COLQ: variants seen among roughly 807,000 people sequenced by gnomAD.
COLQ encodes the protein acetylcholinesterase collagenic tail peptide.
Under a neutral mutation model 69.0 loss-of-function variants are expected in COLQ, and 48 were observed. The observed-to-expected ratio is 0.70, with a 90% CI of 0.55 to 0.88. COLQ has a LOEUF of 0.88. Among genes scored for constraint, COLQ ranks in the 40% least tolerant of loss-of-function variants. The pLI, the probability that COLQ is intolerant of heterozygous loss-of-function variation, is 0.00. For synonymous variants in COLQ, 217 were observed against 211.2 expected (o/e 1.03, Z -0.24); for missense variants, 618 against 594.6 (o/e 1.04, Z -0.41).
intron 1 of COLQ, among the ~76,000 whole-genome samples, chr3:15,521,053 G>A (rs2063129891): frequency 6.6e-6 from 1 of 151,774 alleles, no homozygotes; most frequent in Non-Finnish European, 1.5e-5. Flanking sequence ...TTTTCCCTTC[G>A]AGGGACTATT....
intron 16 of COLQ, among the ~76,000 whole-genome samples, 179 bp downstream of exon 16, chr3:15,453,650 G>A (rs1324413182): frequency 1.3e-5 from 2 of 152,192 alleles, no homozygotes; most frequent in African/African-American, 4.8e-5. Flanking sequence ...AGGCAGTGCT[G>A]ACCAAGAGGG....
intron 1 of COLQ, among the ~76,000 whole-genome samples, chr3:15,501,434 T>G (rs2125163410): frequency 6.6e-6 from 1 of 152,284 alleles, no homozygotes; most frequent in Middle Eastern, 3.4e-3. Context: ...TCCCACAGCC[T>G]TCCCAGGGAT....
At chr3:15,475,563 T>C (rs889680010) in intron 6 of COLQ, 76 bp from the exon 7 acceptor site, 42 of 1,396,706 alleles carry the variant, frequency 3.0e-5, no homozygotes, top group Admixed American at 2.4e-4. Context: ...ACAGGCAAGA[T>C]TGGGAAGGAA....
At chr3:15,485,274 G>A (rs1377447215) in intron 3 of COLQ, among the ~76,000 whole-genome samples, 3 of 152,164 alleles carry the variant, frequency 2.0e-5, no homozygotes, top group African/African-American at 7.2e-5. Flanking sequence ...CATCTCAGAG[G>A]GGCACCCAGC....
At chr3:15,508,288 A>T (rs772944639) in intron 1 of COLQ, among the ~76,000 whole-genome samples, 1 of 152,220 alleles carries the variant, frequency 6.6e-6, no homozygotes, top group Non-Finnish European at 1.5e-5. Flanking sequence ...TCAACAACAC[A>T]TATTGAGCAC....
At chr3:15,486,622 G>T (rs140988967) in intron 3 of COLQ, among the ~76,000 whole-genome samples, 7 of 152,238 alleles carry the variant, frequency 4.6e-5, no homozygotes, top group African/African-American at 9.6e-5. Context: ...CTGAAGGTGG[G>T]AAGATAGAAA....
chr3:15,503,938 C>T (rs1023022981), intron 1 of COLQ, among the ~76,000 whole-genome samples: 3 of 152,108 alleles, frequency 2.0e-5, no homozygotes, highest in South Asian at 4.2e-4. Context: ...CACTTACCAA[C>T]GCCCAGAATC....
intron 11 of COLQ, among the ~76,000 whole-genome samples, chr3:15,469,494 T>A (rs537910356): frequency 6.0e-4 from 92 of 152,330 alleles, no homozygotes; most frequent in Admixed American, 1.5e-3. Context: ...ATGATCAAAG[T>A]TTGAAAACTG....
chr3:15,477,225 G>A (rs1184240191), intron 5 of COLQ, 28 bp from the exon 6 acceptor site: 17 of 1,579,892 alleles, frequency 1.1e-5, no homozygotes, highest in Admixed American at 5.4e-5. Flanking sequence ...AAAAGTCAGG[G>A]CAACTGGGTT....
In COLQ at chr3:15,475,407, T is replaced by C. The variant is rs751711892; in HGVS notation, c.528+18A>G. 1.3e-6 allele frequency: 2 copies of C among 1,585,308 alleles called. No individual in the cohort carries two copies. Among genetic ancestry groups the C allele is most frequent in the Admixed American group, 1.8e-5 (1 of 56,662 alleles). On this transcript the variant is annotated intron_variant, in intron 7 of 16. Transcript: ENST00000383788. ...CCTGACAGAGATCTGGGAACGTCCATTTGGACCCCACACTGACCTTGGAGC... is the reference window on the plus strand; with the variant it reads ...CCTGACAGAGATCTGGGAACGTCCACTTGGACCCCACACTGACCTTGGAGC...
rs777613214 is a variant in COLQ at position 15,489,579 on chromosome 3, C to T, written c.165G>A (p.Thr55=). 1.2e-5 allele frequency: 20 copies of T among 1,614,096 alleles called. No individual in the cohort carries two copies. The highest frequency in any genetic ancestry group is 4.5e-5 in the East Asian group (2 of 44,900). The part of the protein sequence containing the change: ...RGGHKACCLL[T]PPPPPLFPPP... The stretch of plus-strand genomic sequence containing the variant: ...GTGGGAACAGTGGTGGTGGAGGAGG[C>T]GTCAGCAGGCAGCATGCTTTGTGGC... Residue 55 remains threonine (T), a synonymous_variant, in exon 2 of 17, where the codon ACG becomes ACA. Coordinates refer to ENST00000383788, the MANE Select transcript of COLQ (RefSeq NM_005677.4).
At chr3:15,521,287 T>C (rs747871191) in intron 1 of COLQ, among the ~76,000 whole-genome samples, 2 of 152,176 alleles carry the variant, frequency 1.3e-5, no homozygotes, top group African/African-American at 4.8e-5. Flanking sequence ...GAAACCATTT[T>C]TCAAAGTGTC....
Position 15,460,653 on chromosome 3 carries a change from T to C in COLQ, c.815-2328A>G, listed in dbSNP as rs6774510. 4.1e-3 allele frequency among the ~76,000 whole-genome samples: 624 copies of C among 152,356 alleles called. 3 individuals are homozygous for C. The highest frequency in any genetic ancestry group is 0.013 in the African/African-American group (551 of 41,576). On this transcript the variant is annotated intron_variant, in intron 12 of 16. Coordinates refer to ENST00000383788, the MANE Select transcript of COLQ (RefSeq NM_005677.4). ...ACAGGTATTCGTACAATCAGAATGC[T>C]GACAGCATGAGGGGAAGGGCACTGT...
intron 1 of COLQ, 27 bp from the exon 2 acceptor site, chr3:15,489,664 A>C: frequency 6.2e-7 from 1 of 1,606,164 alleles, no homozygotes; most frequent in Non-Finnish European, 8.5e-7. Context: ...GCCGCTCGTT[A>C]GCATGTGGTC....
intron 1 of COLQ, chr3:15,506,720 G>A (rs73031571): frequency 0.096 from 14,684 of 152,208 alleles, 970 homozygotes; most frequent in East Asian, 0.33. Context: ...TCTAACCTGA[G>A]CGGGTTCACC....
intron 1 of COLQ, among the ~76,000 whole-genome samples, chr3:15,504,097 T>C (rs955736697): frequency 1.3e-5 from 2 of 152,036 alleles, no homozygotes; most frequent in Non-Finnish European, 2.9e-5. Context: ...AACATGGATT[T>C]ACCTCCCCTA....
intron 1 of COLQ, among the ~76,000 whole-genome samples, chr3:15,491,530 G>A (rs1333469841): frequency 4.6e-5 from 7 of 152,198 alleles, no homozygotes; most frequent in Non-Finnish European, 7.3e-5. Flanking sequence ...CGGTGTCCAC[G>A]GGAATGGTAG....
intron 1 of COLQ, among the ~76,000 whole-genome samples, chr3:15,501,340 G>T (rs1404133367): frequency 6.6e-6 from 1 of 152,148 alleles, no homozygotes; most frequent in Non-Finnish European, 1.5e-5. Context: ...CTGCCGATGG[G>T]GCTGAAGTAG....
chr3:15,482,139 T>C (rs1302213819), intron 3 of COLQ, among the ~76,000 whole-genome samples: 4 of 152,250 alleles, frequency 2.6e-5, no homozygotes, highest in Non-Finnish European at 5.9e-5. Context: ...TTTCTAAATA[T>C]ACAATCATGT....
Sources: gnomAD v4.1 joint callset for allele counts (sites outside exome capture counted in the v4.1 genomes callset) on GRCh38, gnomAD v4.1.1 for gene constraint, MANE v1.5 for transcripts, NCBI Gene and HGNC (gene_info 2026-07-23, HGNC 2026-07-21) for gene names.